CIT: variants seen among roughly 807,000 people sequenced by gnomAD.
CIT encodes citron Rho-interacting kinase.
Under a neutral mutation model 272.7 loss-of-function variants are expected in CIT, and 79 were observed. The observed-to-expected ratio is 0.29, with a 90% CI of 0.24 to 0.35. The LOEUF (loss-of-function observed/expected upper bound fraction) is 0.35. CIT is among the 10% of genes least tolerant of loss of function. The probability of loss-of-function intolerance (pLI) is 1.00; values close to 1 mark genes in which losing one functional copy is unlikely to be tolerated. For synonymous variants in CIT, 948 were observed against 995.6 expected, an observed-to-expected ratio of 0.95 and a Z score of 0.90; for missense variants, 1,909 against 2,618.3, an observed-to-expected ratio of 0.73 and a Z score of 5.91.
At chr12:119,849,845 C>T (rs1026103165) in intron 5 of CIT, among the ~76,000 whole-genome samples, 27 of 152,012 alleles carry the variant, frequency 1.8e-4, no homozygotes, top group Non-Finnish European at 4.0e-4. Context: ...GACACCATGC[C>T]CGGCTAATTT....
At chr12:119,762,630 G>C (rs1961945815) in intron 19 of CIT, among the ~76,000 whole-genome samples, 1 of 152,160 alleles carries the variant, frequency 6.6e-6, no homozygotes, top group Admixed American at 6.5e-5. Context: ...AGGTGCTAAA[G>C]CAATGAAATA....
intron 26 of CIT, among the ~76,000 whole-genome samples, chr12:119,731,475 CAAAAAAAAA>C (rs34429031): frequency 9.3e-6 from 1 of 108,040 alleles, no homozygotes; most frequent in Non-Finnish European, 1.9e-5. Context: ...ACTCCATTCT[CAAAAAAAAA>C]AAAAAAAAGA....
chr12:119,717,272 G>A (rs10849692), intron 32 of CIT, among the ~76,000 whole-genome samples: 82,982 of 151,800 alleles, frequency 0.55, 22,825 homozygotes, highest in Admixed American at 0.62. Flanking sequence ...GGCTAGTCTC[G>A]AACTCCCAAC....
At chr12:119,735,955 C>T (rs1478188734) in intron 24 of CIT, among the ~76,000 whole-genome samples, 1 of 152,214 alleles carries the variant, frequency 6.6e-6, no homozygotes, top group African/African-American at 2.4e-5. Flanking sequence ...TATGGCATGA[C>T]TTTAATGGAT....
chr12:119,778,047 C>T (rs1437181769), intron 13 of CIT, among the ~76,000 whole-genome samples: 1 of 152,192 alleles, frequency 6.6e-6, no homozygotes, highest in African/African-American at 2.4e-5. Context: ...GGGCTCAAAA[C>T]TGAATGATGA....
intron 7 of CIT, among the ~76,000 whole-genome samples, chr12:119,826,345 A>T (rs952913014): frequency 6.6e-6 from 1 of 152,182 alleles, no homozygotes; most frequent in Admixed American, 6.5e-5. Context: ...GCAAAGAAAG[A>T]TTAGGACAAT....
chr12:119,689,189 CAAAA>C (rs1159554640), intron 47 of CIT, among the ~76,000 whole-genome samples: 1 of 126,310 alleles, frequency 7.9e-6, no homozygotes, highest in Non-Finnish European at 1.7e-5. Flanking sequence ...TAAAACAAAA[CAAAA>C]CAAACAAACA....
At position 119,775,837 on chromosome 12, in the gene CIT, G is replaced by C. The variant is rs1414046793; in HGVS notation, c.1890C>G (p.Ile630Met). The C allele has an allele frequency of 3.1e-6, 5 of 1,612,120 alleles. No individual in the cohort carries two copies. The African/African-American group carries it at 6.7e-5, about 22-fold the overall frequency. ...GAATTTTGAGCTGCTGCTCAGCATT[G>C]ATCTATAATTAAAATCCCAGGAAAT... ...EVGEYAKLEK[I>M]NAEQQLKIQE... is the part of the protein sequence containing the mutation. Residue 630 changes from isoleucine (I) to methionine (M), a missense_variant and splice_region_variant, in exon 16 of 48, where the codon ATC (isoleucine) becomes ATG (methionine). This residue lies in a region of CIT where 530 missense variants were observed against 822.4 expected (regional missense o/e 0.64). Coordinates refer to ENST00000392521, the MANE Select transcript of CIT (RefSeq NM_001206999.2).
rs1962776251 is a variant in CIT, at chr12:119,768,939, C to T, written c.2209-1757G>A. On this transcript the variant is annotated intron_variant, in intron 18 of 47. Coordinates refer to ENST00000392521, the MANE Select transcript of CIT (RefSeq NM_001206999.2). This position sits in a 1 kb window ranked among gnomAD's most constrained non-coding sequence, Gnocchi z 4.3. Reference sequence around the variant, plus strand: ...TCCTAGATACTTTGCAGCCTAAGCACAGGGTTCTTGAGCAAAAGGCACCTT... The same window carrying T: ...TCCTAGATACTTTGCAGCCTAAGCATAGGGTTCTTGAGCAAAAGGCACCTT... Among the ~76,000 whole-genome samples, 1 of 152,220 alleles carries T rather than the reference C, an allele frequency of 6.6e-6. No individual in the cohort carries two copies. Among genetic ancestry groups the T allele is most frequent in the Non-Finnish European group, 1.5e-5 (1 of 68,046 alleles).
intron 3 of CIT, among the ~76,000 whole-genome samples, chr12:119,859,834 T>C (rs1303805407): frequency 6.6e-6 from 1 of 151,680 alleles, no homozygotes; most frequent in Non-Finnish European, 1.5e-5. Flanking sequence ...AAGAACACAA[T>C]CTTGCTCTGT....
intron 10 of CIT, among the ~76,000 whole-genome samples, chr12:119,794,165 T>C (rs1191278976): frequency 6.6e-6 from 1 of 152,150 alleles, no homozygotes; most frequent in Non-Finnish European, 1.5e-5. Context: ...ACAGTAGTTA[T>C]TTCTCCTTTG....
chr12:119,710,552 G>A lies in CIT; in HGVS notation c.4923C>T (p.Pro1641=). 1 of 1,614,220 alleles carries A rather than the reference G, an allele frequency of 6.2e-7. No individual in the cohort carries two copies. The highest frequency in any genetic ancestry group is 1.3e-5 in the African/African-American group (1 of 75,070). Residue 1641 remains proline (P), a synonymous_variant, in exon 38 of 48, where the codon CCC becomes CCT. Coordinates refer to ENST00000392521, the MANE Select transcript of CIT (RefSeq NM_001206999.2). The surrounding 1 kb of genome is among the most constrained non-coding windows in gnomAD (Gnocchi z 5.6). ...ATGCAAGCATTACCTGGTCACTGAA[G>A]GGCAGCGTGCAGTTCATGTCTAGAC... ...DDRLDMNCTL[P]FSDQVVLVGT...
intron 4 of CIT, among the ~76,000 whole-genome samples, chr12:119,855,876 C>A (rs2138292772): frequency 6.6e-6 from 1 of 152,234 alleles, no homozygotes; most frequent in South Asian, 2.1e-4. Flanking sequence ...ATCACAAGGT[C>A]AGGGCTACAC....
chr12:119,802,382 G>A (rs1220141349), intron 10 of CIT, among the ~76,000 whole-genome samples: 1 of 152,142 alleles, frequency 6.6e-6, no homozygotes, highest in Non-Finnish European at 1.5e-5. Context: ...GAGGCTCCTG[G>A]AAGCCTCGAC....
At chr12:119,730,354 C>T in intron 27 of CIT, 141 bp downstream of exon 27, 2 of 759,350 alleles carry the variant, frequency 2.6e-6, no homozygotes, top group South Asian at 4.5e-5. Context: ...TAAGGCAAAA[C>T]CATGGGACAT....
rs149546695 is a variant in CIT at position 119,875,060 on chromosome 12, G to T, written c.96+1013C>A. On this transcript the variant is annotated intron_variant, in intron 2 of 47. Coordinates refer to ENST00000392521, the MANE Select transcript of CIT (RefSeq NM_001206999.2). ...GCTTATGCCTGTAAGCCCAACACTT[G>T]CAGAAGCTGTGACAAGTAGATCACT... is the stretch of plus-strand genomic sequence containing the variant. 7.8e-3 allele frequency among the ~76,000 whole-genome samples: 1,195 copies of T among 152,284 alleles called. 13 individuals are homozygous for T. Among genetic ancestry groups the T allele is most frequent in the African/African-American group, 0.027 (1,127 of 41,560 alleles).
At chr12:119,828,710 G>A (rs910679972) in intron 7 of CIT, among the ~76,000 whole-genome samples, 2 of 151,796 alleles carry the variant, frequency 1.3e-5, no homozygotes, top group African/African-American at 4.8e-5. Context: ...CTACAGGTGC[G>A]CACCACCACA....
chr12:119,749,400 C>T (rs1308193242), intron 23 of CIT, among the ~76,000 whole-genome samples: 1 of 152,174 alleles, frequency 6.6e-6, no homozygotes, highest in African/African-American at 2.4e-5. Context: ...GAAAGTATGG[C>T]ATTTTGGGAC....
Position 119,772,880 on chromosome 12 carries a change from G to A in CIT, c.1972C>T (p.Leu658=), listed in dbSNP as rs552345247. Residue 658 remains leucine (L), a synonymous_variant, in exon 17 of 48, where the codon CTG becomes TTG. Transcript: ENST00000392521. ...TTTGCCTGGCGGATATTCTGCAGCA[G>A]CTCGGTGGCCTCCGTGCTGGCTTTT... ...AVKASTEATE[L]LQNIRQAKER... 6.2e-7 allele frequency: 1 copy of A among 1,614,002 alleles called. No individual in the cohort carries two copies. Among genetic ancestry groups the A allele is most frequent in the African/African-American group, 1.3e-5 (1 of 75,040 alleles).
Sources: gnomAD v4.1 joint callset for allele counts (sites outside exome capture counted in the v4.1 genomes callset) on GRCh38, gnomAD v4.1.1 for gene constraint, gnomAD v4.1.1 regional missense constraint, Gnocchi (gnomAD v3.1) non-coding constraint, MANE v1.5 for transcripts, NCBI Gene and HGNC (gene_info 2026-07-23, HGNC 2026-07-21) for gene names.